Variants in FANCG observed in about 807,000 individuals in gnomAD.
The protein encoded by FANCG is Fanconi anemia group G protein.
FANCG carries 67 observed loss-of-function variants against 73.3 expected under a neutral mutation model. The observed-to-expected ratio is 0.91, with a 90% CI of 0.75 to 1.12. The LOEUF is 1.12. Ranked by LOEUF, FANCG falls within the 50% of genes most tolerant of loss-of-function variation. The pLI is 0.00. For synonymous variants in FANCG, 297 were observed against 311.6 expected, an observed-to-expected ratio of 0.95 and a Z score of 0.49; for missense variants, 643 against 735.6, an observed-to-expected ratio of 0.87 and a Z score of 1.46.
chr9:35,079,078 C>CA lies in FANCG; in HGVS notation c.175+72dup, dbSNP rs1829136431. The CA allele has an allele frequency of 3.0e-6, 4 of 1,339,412 alleles. No individual in the cohort carries two copies. The South Asian group carries it at 5.0e-5, about 17-fold the overall frequency. The allele number at this position is 1,339,412 out of a possible 1,614,324, so 83.0% of individuals were successfully genotyped here. A position where few individuals can be genotyped will look rare whatever the true frequency, so the allele number is the denominator to read the frequency against. ...CTGCCCCGAGTAATTATATCGATCCCAAAAACGCAGGAGCGGATGTTTCTC... is the reference window on the plus strand; with the variant it reads ...CTGCCCCGAGTAATTATATCGATCCCAAAAAACGCAGGAGCGGATGTTTCTC... On this transcript the variant is annotated intron_variant, in intron 2 of 13. Transcript: ENST00000378643.
At chr9:35,079,285 T>C in intron 1 of FANCG, 44 bp from the exon 2 acceptor site, 4 of 1,580,926 alleles carry the variant, frequency 2.5e-6, no homozygotes, top group Non-Finnish European at 3.5e-6. Flanking sequence ...CAATCCTTTT[T>C]TCTCCCCTTG....
Position 35,075,706 on chromosome 9 carries a change from A to G in FANCG, c.1192T>C (p.Leu398=). The change falls in exon 10 of 14, where the codon TTG becomes CTG. Residue 398 remains leucine, a synonymous_variant. Transcript: ENST00000378643. ...TGGATCAGTGCTACCGCTGCCTCCAAAAACACCTCAGGCATACAGGGCCCT... is the reference window on the plus strand; with the variant it reads ...TGGATCAGTGCTACCGCTGCCTCCAGAAACACCTCAGGCATACAGGGCCCT... ...PPGPCMPEVF[L]EAAVALIQAG... 2.2e-6 allele frequency: 3 copies of G among 1,369,316 alleles called. No individual in the cohort carries two copies. Among genetic ancestry groups the G allele is most frequent in the Non-Finnish European group, 2.9e-6 (3 of 1,025,774 alleles). The allele number at this position is 1,369,316 out of a possible 1,614,324, so 84.8% of individuals were successfully genotyped here.
At chr9:35,075,172 A>G (rs1246857633) in intron 11 of FANCG, 90 bp from the exon 12 acceptor site, 3 of 1,605,980 alleles carry the variant, frequency 1.9e-6, no homozygotes, top group Non-Finnish European at 2.6e-6. Flanking sequence ...TTGTGTCCAC[A>G]GTCCCTTTCT....
chr9:35,078,100 G>A lies in FANCG; in HGVS notation c.510+41C>T, dbSNP rs528369129. 395 of 1,569,148 alleles carry A rather than the reference G, an allele frequency of 2.5e-4. 4 individuals carry two copies. The South Asian group carries it at 2.8e-3, about 11-fold the overall frequency. ...CAGCTGGAGAGAAAGGAGGAGGAAGGAAGGAGGAGACCCTCAGCTTCAGGT... is the reference window on the plus strand; with the variant it reads ...CAGCTGGAGAGAAAGGAGGAGGAAGAAAGGAGGAGACCCTCAGCTTCAGGT... On this transcript the variant is annotated intron_variant, in intron 4 of 13. Transcript: ENST00000378643.
chr9:35,075,811 C>T (rs1587140495), intron 9 of FANCG, 57 bp from the exon 10 acceptor site: 30 of 1,554,822 alleles, frequency 1.9e-5, no homozygotes, highest in Non-Finnish European at 2.6e-5. Flanking sequence ...TCCCCAACCT[C>T]TTCACCAGGC....
intron 9 of FANCG, 75 bp downstream of exon 9, chr9:35,075,887 T>A (rs2131054545): frequency 6.4e-7 from 1 of 1,573,522 alleles, no homozygotes. Flanking sequence ...AAACAAAAAA[T>A]TGCAGTCTTG....
At chr9:35,078,060 A>C in intron 4 of FANCG, 81 bp downstream of exon 4, 11 of 1,360,416 alleles carry the variant, frequency 8.1e-6, no homozygotes, top group Non-Finnish European at 1.2e-5. Context: ...TGTCCAGTAC[A>C]TGATGATGCT....
rs570546906 is a variant in FANCG, at chr9:35,079,624, C to G, written c.-100G>C. The G allele has an allele frequency of 2.5e-6, 3 of 1,196,866 alleles. No individual in the cohort carries two copies. Among genetic ancestry groups the G allele is most frequent in the Non-Finnish European group, 3.7e-6 (3 of 810,086 alleles). The allele number at this position is 1,196,866 out of a possible 1,614,324, so 74.1% of individuals were successfully genotyped here. Reference sequence around the variant, plus strand: ...CCAGCGGGGAGGGGCCTGGGCACTTCTGCACCCCGCCGAGCTCCCCTGCTT... The same window carrying G: ...CCAGCGGGGAGGGGCCTGGGCACTTGTGCACCCCGCCGAGCTCCCCTGCTT... On this transcript the variant is annotated 5_prime_UTR_variant, in exon 1 of 14. Transcript: ENST00000378643.
At chr9:35,078,116 A>G in intron 4 of FANCG, 25 bp downstream of exon 4, 3 of 1,605,002 alleles carry the variant, frequency 1.9e-6, no homozygotes, top group Non-Finnish European at 2.6e-6. Flanking sequence ...GGAGACCCTC[A>G]GCTTCAGGTC....
rs759285011 is a variant in FANCG, at chr9:35,075,606, A to G, written c.1292T>C (p.Met431Thr). ...LSRTSSLLPK[M>T]SRLWEDARKG... ...TCTGGCATCTTCCCACAGCCGGGAC[A>G]TCTTGGGTAGCAGAGATGATGTGCG... The change falls in exon 10 of 14, where the codon ATG (methionine) becomes ACG (threonine). Residue 431 changes from methionine to threonine, a missense_variant. Transcript: ENST00000378643. The G allele has an allele frequency of 6.2e-7, 1 of 1,613,916 alleles. No individual in the cohort carries two copies. The highest frequency in any genetic ancestry group is 8.5e-7 in the Non-Finnish European group (1 of 1,180,012).
chr9:35,075,420 T>C (rs948298405), intron 10 of FANCG, 45 bp downstream of exon 10: 2 of 1,613,762 alleles, frequency 1.2e-6, no homozygotes, highest in African/African-American at 2.7e-5. Context: ...CAGGTCCCAA[T>C]CAGAAAATCA....
intron 8 of FANCG, 127 bp from the exon 9 acceptor site, chr9:35,076,155 G>A: frequency 9.6e-7 from 1 of 1,046,436 alleles, no homozygotes; most frequent in Non-Finnish European, 1.5e-6. Flanking sequence ...AGGGAGGGAA[G>A]GTCTTAGGGC....
At chr9:35,078,530 C>T in intron 3 of FANCG, 75 bp downstream of exon 3, 1 of 1,602,006 alleles carries the variant, frequency 6.2e-7, no homozygotes, top group South Asian at 1.1e-5. Flanking sequence ...TGTTGTTTAT[C>T]CTCCCATCTC....
intron 8 of FANCG, 45 bp from the exon 9 acceptor site, chr9:35,076,073 G>A (rs555714281): frequency 6.5e-7 from 1 of 1,540,228 alleles, no homozygotes; most frequent in South Asian, 1.1e-5. Flanking sequence ...CCCTAGCAGG[G>A]AACCTGCAAG....
chr9:35,075,887 T>C, intron 9 of FANCG, 75 bp downstream of exon 9: 4 of 1,573,522 alleles, frequency 2.5e-6, no homozygotes, highest in African/African-American at 2.7e-5. Context: ...AAACAAAAAA[T>C]TGCAGTCTTG....
At position 35,073,925 on chromosome 9, in the gene FANCG, G is replaced by C; in HGVS notation, c.*183C>G. The C allele has an allele frequency of 1.5e-6, 1 of 672,888 alleles. No homozygotes were observed. The highest frequency in any genetic ancestry group is 2.7e-6 in the Non-Finnish European group (1 of 368,018). The allele number at this position is 672,888 out of a possible 1,614,324, so 41.7% of individuals were successfully genotyped here. A position where few individuals can be genotyped will look rare whatever the true frequency, so the allele number is the denominator to read the frequency against. On this transcript the variant is annotated 3_prime_UTR_variant, in exon 14 of 14. Transcript: ENST00000378643. ...AAGTCAATGACTTGGTGGTGGCAGA[G>C]ATTGTTTCCTCCAAAACGAGAATGG...
At chr9:35,077,915 G>C (rs1340236208) in intron 4 of FANCG, 1 of 578,860 alleles carries the variant, frequency 1.7e-6, no homozygotes, top group Admixed American at 2.8e-5. Context: ...TGAGATTACA[G>C]GTATGAGCCA....
chr9:35,076,731 A>G lies in FANCG; in HGVS notation c.917T>C (p.Leu306Pro), dbSNP rs375601834. The G allele has an allele frequency of 1.2e-5, 20 of 1,614,072 alleles. No homozygotes were observed. Among genetic ancestry groups the G allele is most frequent in the Non-Finnish European group, 1.6e-5 (19 of 1,180,036 alleles). ...TTAELESLELLVEALNVPCSS... is the reference protein window; with the variant it reads ...TTAELESLELPVEALNVPCSS... The stretch of plus-strand genomic sequence containing the variant: ...CACCTGGCAGTTCCCTACCTCAACT[A>G]GCAGCTCCAGACTCTCCAGCTCTGC... The change falls in exon 7 of 14, where the codon CTA (leucine) becomes CCA (proline). Residue 306 changes from leucine (L) to proline (P), a missense_variant. Transcript: ENST00000378643.
At chr9:35,074,610 T>A (rs778436999) in intron 12 of FANCG, 116 bp from the exon 13 acceptor site, 1 of 1,375,252 alleles carries the variant, frequency 7.3e-7, no homozygotes, top group Non-Finnish European at 1.0e-6. Flanking sequence ...CACTCACATA[T>A]GGAAGCGGGG....
Sources: allele counts gnomAD v4.1 joint callset, GRCh38; gene constraint gnomAD v4.1.1; transcripts MANE v1.5; gene names NCBI Gene and HGNC (gene_info 2026-07-23, HGNC 2026-07-21).